Variants in E2F5 observed in about 807,000 individuals in gnomAD.
E2F5 encodes transcription factor E2F5.
In E2F5, 23 loss-of-function variants were observed where a neutral mutation model predicts 39.1. The ratio of observed to expected loss-of-function variants is 0.59; its 90% CI spans 0.42 to 0.83. E2F5 has a LOEUF of 0.83. E2F5 is among the 40% of genes least tolerant of loss of function. E2F5 has a pLI of 0.00. For missense variants in E2F5, 365 were observed against 406.7 expected (o/e 0.90, Z 0.88); for synonymous variants, 145 against 157.8 (o/e 0.92, Z 0.61).
chr8:85,177,896 C>T (rs1276857474), intron 1 of E2F5: 9 of 597,268 alleles, frequency 1.5e-5, no homozygotes, highest in Non-Finnish European at 2.0e-5. Context: ...CCACGCTGGG[C>T]TCTCGACAAA....
chr8:85,207,727 T>C (rs927824266), intron 5 of E2F5, among the ~76,000 whole-genome samples: 1 of 102,228 alleles, frequency 9.8e-6, no homozygotes, highest in African/African-American at 3.3e-5. Context: ...CATTTATTGA[T>C]ATCATTTAGC....
intron 1 of E2F5, 55 bp from the exon 2 acceptor site, chr8:85,202,092 C>T (rs1812709723): frequency 2.8e-6 from 4 of 1,448,792 alleles, no homozygotes. Flanking sequence ...CCCTTTTTGG[C>T]TTTAAAATAT....
chr8:85,177,659 G>A lies in E2F5; in HGVS notation c.234+5G>A. On this transcript the variant is annotated splice_donor_5th_base_variant and intron_variant, in intron 1 of 7. Coordinates refer to ENST00000416274, the MANE Select transcript of E2F5 (RefSeq NM_001951.4). ...GGCGTTCTGGATCTCAAAGCGGTGA[G>A]CTCCGGAGGCGGGGACGGGGGCGGA... The A allele has an allele frequency of 7.8e-7, 1 of 1,285,372 alleles. No homozygotes were observed. Among genetic ancestry groups the A allele is most frequent in the Non-Finnish European group, 9.9e-7 (1 of 1,013,314 alleles). The allele number at this position is 1,285,372 out of a possible 1,614,324, so 79.6% of individuals were successfully genotyped here.
intron 1 of E2F5, chr8:85,200,332 A>ATATGTT: frequency 1.1e-6 from 1 of 914,924 alleles, no homozygotes; most frequent in Non-Finnish European, 1.3e-6. Context: ...TTAGTCATTT[A>ATATGTT]TATGTTTACA....
At chr8:85,198,345 G>GA (rs571028760) in intron 1 of E2F5, among the ~76,000 whole-genome samples, 45 of 142,992 alleles carry the variant, frequency 3.1e-4, no homozygotes, top group Admixed American at 3.5e-4. Context: ...TCTTTAAAAG[G>GA]AAAAAAAAAA....
At chr8:85,186,516 T>A (rs1481615842) in intron 1 of E2F5, among the ~76,000 whole-genome samples, 1 of 150,904 alleles carries the variant, frequency 6.6e-6, no homozygotes, top group Non-Finnish European at 1.5e-5. Flanking sequence ...TATGTGTGTG[T>A]GTATATATAT....
At chr8:85,183,360 T>C (rs1179774173) in intron 1 of E2F5, among the ~76,000 whole-genome samples, 1 of 152,176 alleles carries the variant, frequency 6.6e-6, no homozygotes, top group Non-Finnish European at 1.5e-5. Context: ...GCGAGAACTT[T>C]AGTGCATGCT....
intron 4 of E2F5, 56 bp downstream of exon 4, chr8:85,206,276 G>A (rs1587498674): frequency 6.5e-7 from 1 of 1,534,460 alleles, no homozygotes; most frequent in South Asian, 1.1e-5. Context: ...TTAGTGGAGG[G>A]TGATTCAGAA....
At chr8:85,193,803 C>A (rs956051955) in intron 1 of E2F5, among the ~76,000 whole-genome samples, 1 of 152,144 alleles carries the variant, frequency 6.6e-6, no homozygotes, top group African/African-American at 2.4e-5. Flanking sequence ...TTGCATGTAC[C>A]AATGGTTCAT....
chr8:85,202,961 G>T, intron 2 of E2F5, 133 bp from the exon 3 acceptor site: 4 of 623,984 alleles, frequency 6.4e-6, no homozygotes, highest in Non-Finnish European at 9.4e-6. Flanking sequence ...AAGGATTTTA[G>T]TGCTTGATTT....
chr8:85,180,821 C>T (rs1194255722), intron 1 of E2F5, among the ~76,000 whole-genome samples: 2 of 150,886 alleles, frequency 1.3e-5, no homozygotes, highest in South Asian at 2.1e-4. Flanking sequence ...CCTCGTGATC[C>T]GCCCGCCTCG....
At chr8:85,206,120 T>G (rs1474586749) in intron 3 of E2F5, 57 bp from the exon 4 acceptor site, 6 of 1,538,410 alleles carry the variant, frequency 3.9e-6, no homozygotes, top group Non-Finnish European at 5.4e-6. Flanking sequence ...TGTATTACCT[T>G]AATTTAAATG....
At chr8:85,181,909 CGAGATCGCA>C (rs1812225201) in intron 1 of E2F5, among the ~76,000 whole-genome samples, 1 of 151,470 alleles carries the variant, frequency 6.6e-6, no homozygotes, top group Non-Finnish European at 1.5e-5. Context: ...TGCAGTGAGC[CGAGATCGCA>C]CCACTGCACT....
At chr8:85,196,124 A>G (rs1479398269) in intron 1 of E2F5, among the ~76,000 whole-genome samples, 1 of 152,330 alleles carries the variant, frequency 6.6e-6, no homozygotes, top group East Asian at 1.9e-4. Flanking sequence ...TCCTTGTGGT[A>G]GAGTAGTGAC....
intron 1 of E2F5, among the ~76,000 whole-genome samples, chr8:85,190,597 G>A (rs889458898): frequency 1.2e-4 from 16 of 129,456 alleles, no homozygotes; most frequent in African/African-American, 4.4e-4. Context: ...TCCGTCTCCC[G>A]GGTTCAAGCA....
intron 1 of E2F5, among the ~76,000 whole-genome samples, chr8:85,199,733 A>G (rs1812653577): frequency 6.6e-6 from 1 of 152,374 alleles, no homozygotes; most frequent in Middle Eastern, 3.4e-3. Context: ...CCTGTATTTG[A>G]TGATGAGGCT....
At chr8:85,206,340 C>A in intron 4 of E2F5, 120 bp downstream of exon 4, 1 of 946,300 alleles carries the variant, frequency 1.1e-6, no homozygotes, top group Non-Finnish European at 1.6e-6. Flanking sequence ...CATTGTGTCT[C>A]ACTCCACCAT....
chr8:85,180,506 C>CTATATATATA (rs1812181927), intron 1 of E2F5, among the ~76,000 whole-genome samples: 9 of 62,510 alleles, frequency 1.4e-4, no homozygotes, highest in Admixed American at 2.5e-4. Context: ...GTTAAAGAAA[C>CTATATATATA]TATACATATA....
intron 1 of E2F5, among the ~76,000 whole-genome samples, chr8:85,198,734 T>G (rs541838564): frequency 2.0e-5 from 3 of 152,346 alleles, no homozygotes; most frequent in Non-Finnish European, 4.4e-5. Context: ...TAACCTTCCC[T>G]TATATGCTCA....
Sources: gnomAD v4.1 joint callset for allele counts (sites outside exome capture counted in the v4.1 genomes callset) on GRCh38, gnomAD v4.1.1 for gene constraint, MANE v1.5 for transcripts, NCBI Gene and HGNC (gene_info 2026-07-23, HGNC 2026-07-21) for gene names.